KCNK2: variants seen among roughly 807,000 people sequenced by gnomAD.
The protein encoded by KCNK2 is potassium channel subfamily K member 2.
In KCNK2, 21 loss-of-function variants were observed where a neutral mutation model predicts 40.5. The observed-to-expected ratio is 0.52, with a 90% confidence interval of 0.37 to 0.75. KCNK2 has a LOEUF of 0.75. Among genes scored for constraint, KCNK2 ranks in the 30% least tolerant of loss-of-function variants. The pLI, the probability that KCNK2 is intolerant of heterozygous loss-of-function variation, is 0.00. For missense variants in KCNK2, 399 were observed against 531.6 expected, an observed-to-expected ratio of 0.75 and a Z score of 2.45; for synonymous variants, 191 against 202.2, an observed-to-expected ratio of 0.94 and a Z score of 0.47.
At chr1:215,168,954 C>T (rs1344958428) in intron 3 of KCNK2, among the ~76,000 whole-genome samples, 1 of 151,808 alleles carries the variant, frequency 6.6e-6, no homozygotes, top group Non-Finnish European at 1.5e-5. Flanking sequence ...GTGTCGTCAC[C>T]TCAGTTTTCA....
At chr1:215,153,134 T>A (rs1007194631) in intron 3 of KCNK2, among the ~76,000 whole-genome samples, 2 of 152,170 alleles carry the variant, frequency 1.3e-5, no homozygotes, top group Non-Finnish European at 2.9e-5. Context: ...TATCCAAAAG[T>A]GTTGCTTACT....
At chr1:215,226,249 G>A (rs1666378825) in intron 6 of KCNK2, among the ~76,000 whole-genome samples, 1 of 152,164 alleles carries the variant, frequency 6.6e-6, no homozygotes, top group Non-Finnish European at 1.5e-5. Context: ...TAGTTGCAGA[G>A]GAAGATGTTA....
intron 3 of KCNK2, among the ~76,000 whole-genome samples, chr1:215,131,058 C>T (rs1298143577): frequency 6.6e-6 from 1 of 150,846 alleles, no homozygotes; most frequent in African/African-American, 2.4e-5. Flanking sequence ...GACGGGGTTT[C>T]ACCGTGTTAG....
chr1:215,024,641 T>G (rs12082755), intron 1 of KCNK2, among the ~76,000 whole-genome samples: 1,947 of 152,308 alleles, frequency 0.013, 39 homozygotes, highest in African/African-American at 0.044. Flanking sequence ...AAGCTTTTCA[T>G]GCCTGAAATT....
At chr1:215,161,625 T>C (rs1021911767) in intron 3 of KCNK2, among the ~76,000 whole-genome samples, 2 of 151,366 alleles carry the variant, frequency 1.3e-5, no homozygotes, top group Non-Finnish European at 2.9e-5. Context: ...CCCCTCCCTG[T>C]GTCCATGTGT....
At chr1:215,121,776 TA>T (rs1279369964) in intron 2 of KCNK2, among the ~76,000 whole-genome samples, 1 of 152,242 alleles carries the variant, frequency 6.6e-6, no homozygotes, top group Admixed American at 6.5e-5. Context: ...TATAAAATTG[TA>T]AAATTGTTTC....
chr1:215,227,696 A>G (rs1187026141), intron 6 of KCNK2, among the ~76,000 whole-genome samples: 25 of 152,146 alleles, frequency 1.6e-4, no homozygotes, highest in Admixed American at 1.6e-3. Flanking sequence ...AGTCAGCAAG[A>G]TTGGTTAGCA....
chr1:215,030,709 ATTT>A (rs66479154), intron 1 of KCNK2, among the ~76,000 whole-genome samples: 454 of 140,140 alleles, frequency 3.2e-3, no homozygotes, highest in Middle Eastern at 3.6e-3. Context: ...TAATTTTTGT[ATTT>A]TTTTTTTTTT....
At chr1:215,207,288 T>C (rs1044330383) in intron 6 of KCNK2, among the ~76,000 whole-genome samples, 3 of 152,132 alleles carry the variant, frequency 2.0e-5, no homozygotes, top group Non-Finnish European at 4.4e-5. Context: ...TAGATTCTCA[T>C]AGGAGCGGGA....
chr1:215,154,299 A>C (rs1243433260), intron 3 of KCNK2, among the ~76,000 whole-genome samples: 1 of 152,136 alleles, frequency 6.6e-6, no homozygotes, highest in Non-Finnish European at 1.5e-5. Flanking sequence ...GACTGGCATG[A>C]GATGGTATCT....
intron 5 of KCNK2, among the ~76,000 whole-genome samples, chr1:215,178,652 A>C (rs894796005): frequency 6.6e-6 from 1 of 152,246 alleles, no homozygotes; most frequent in South Asian, 2.1e-4. Flanking sequence ...TTATGTGGGA[A>C]TCACATTTAT....
chr1:215,118,898 G>T (rs1286858219), intron 2 of KCNK2, among the ~76,000 whole-genome samples: 1 of 152,048 alleles, frequency 6.6e-6, no homozygotes, highest in Non-Finnish European at 1.5e-5. Context: ...AGGATGATAG[G>T]TGTGACAGCA....
chr1:215,032,648 G>A (rs573373638), intron 1 of KCNK2, among the ~76,000 whole-genome samples: 70 of 152,074 alleles, frequency 4.6e-4, no homozygotes, highest in Middle Eastern at 6.8e-3. Context: ...ATTTCCCAGC[G>A]TATGAAATTG....
chr1:215,147,638 C>A (rs977560900), intron 3 of KCNK2, among the ~76,000 whole-genome samples: 2 of 152,078 alleles, frequency 1.3e-5, no homozygotes, highest in Admixed American at 1.3e-4. Context: ...TCGGGACCAG[C>A]CTGGCCAACA....
At chr1:215,194,840 T>A in intron 5 of KCNK2, 113 bp from the exon 6 acceptor site, 1 of 775,444 alleles carries the variant, frequency 1.3e-6, no homozygotes, top group East Asian at 2.7e-5. Flanking sequence ...TTGATAAGAA[T>A]ACTAGATTTC....
At chr1:215,010,129 T>C (rs1656324734) in intron 1 of KCNK2, among the ~76,000 whole-genome samples, 1 of 152,184 alleles carries the variant, frequency 6.6e-6, no homozygotes, top group Non-Finnish European at 1.5e-5. Flanking sequence ...TTGAGTCTAG[T>C]AATCAGATGT....
intron 2 of KCNK2, 63 bp downstream of exon 2, chr1:215,086,741 G>C (rs1558084439): frequency 3.4e-6 from 5 of 1,467,338 alleles, no homozygotes; most frequent in Non-Finnish European, 4.7e-6. Flanking sequence ...GATAGGAGGA[G>C]ACAACTTGTA....
intron 3 of KCNK2, among the ~76,000 whole-genome samples, chr1:215,148,153 C>T (rs1183187154): frequency 7.9e-6 from 1 of 126,382 alleles, no homozygotes; most frequent in Non-Finnish European, 1.5e-5. Context: ...GATCATGGCT[C>T]ACTGCAGCCT....
chr1:215,118,265 G>A (rs979073220), intron 2 of KCNK2, among the ~76,000 whole-genome samples: 2 of 152,098 alleles, frequency 1.3e-5, no homozygotes, highest in African/African-American at 4.8e-5. Context: ...GGATCCTGTA[G>A]CCTTTGGCAA....
Sources: allele counts gnomAD v4.1 joint callset (sites outside exome capture counted in the v4.1 genomes callset), GRCh38; gene constraint gnomAD v4.1.1; transcripts MANE v1.5; gene names NCBI Gene and HGNC (gene_info 2026-07-23, HGNC 2026-07-21).